Variants in SEMA3A observed in about 807,000 individuals in gnomAD.
The protein encoded by SEMA3A is semaphorin 3A.
A neutral mutation model predicts 97.9 loss-of-function variants in SEMA3A; 29 were observed. That is an observed-to-expected ratio of 0.30 (90% CI 0.22 to 0.40). The LOEUF is 0.40. Ranked by LOEUF, SEMA3A falls within the 10% of genes least tolerant of loss-of-function variation. SEMA3A has a pLI of 1.00. For missense variants in SEMA3A, 763 were observed against 951.3 expected (o/e 0.80, Z 2.60); for synonymous variants, 321 against 323.7 (o/e 0.99, Z 0.09).
At chr7:84,172,201 C>A (rs1455887168) in intron 1 of SEMA3A, among the ~76,000 whole-genome samples, 2 of 152,132 alleles carry the variant, frequency 1.3e-5, no homozygotes, top group Non-Finnish European at 1.5e-5. Flanking sequence ...GCCATATGCA[C>A]ACTCCATGTG....
At chr7:84,213,357 C>T (rs534829123) in intron 3 of SEMA3A, among the ~76,000 whole-genome samples, 1 of 152,036 alleles carries the variant, frequency 6.6e-6, no homozygotes, top group Non-Finnish European at 1.5e-5. Context: ...TAGCTCACTG[C>T]AGCCTCAGAC....
chr7:84,087,982 A>G (rs1382109505), intron 4 of SEMA3A, among the ~76,000 whole-genome samples: 3 of 152,164 alleles, frequency 2.0e-5, no homozygotes, highest in Non-Finnish European at 4.4e-5. Flanking sequence ...ATAATTAAAT[A>G]TCCCTGTTTT....
At chr7:84,468,413 C>T (rs1305953162) in intron 1 of SEMA3A, among the ~76,000 whole-genome samples, 1 of 152,102 alleles carries the variant, frequency 6.6e-6, no homozygotes, top group Non-Finnish European at 1.5e-5. Flanking sequence ...TAGCAGGTGC[C>T]TAGTTTACTG....
intron 1 of SEMA3A, among the ~76,000 whole-genome samples, chr7:84,177,356 G>C (rs547576277): frequency 1.3e-5 from 2 of 152,118 alleles, no homozygotes; most frequent in East Asian, 3.9e-4. Context: ...TCTCCTATGT[G>C]TTTATAATAT....
intron 1 of SEMA3A, among the ~76,000 whole-genome samples, chr7:84,136,954 G>A (rs985989959): frequency 2.0e-5 from 2 of 98,236 alleles, no homozygotes; most frequent in Non-Finnish European, 2.3e-5. Flanking sequence ...GGGAAGGAGG[G>A]AGGGAAGAAG....
intron 15 of SEMA3A, among the ~76,000 whole-genome samples, chr7:83,966,381 G>A (rs1261333551): frequency 5.9e-5 from 9 of 151,940 alleles, no homozygotes; most frequent in Admixed American, 6.6e-5. Context: ...TGATATTCAG[G>A]TACTTTCTCA....
At position 84,010,737 on chromosome 7, in the gene SEMA3A, TAATAATG is replaced by T. The variant is rs370576259; in HGVS notation, c.995+278_995+284del. On this transcript the variant is annotated intron_variant, in intron 9 of 16. Coordinates refer to ENST00000265362, the MANE Select transcript of SEMA3A (RefSeq NM_006080.3). ...ATCTGTATAATATTTTACATTATTA[TAATAATG>T]TAAAAGGTTTAAAGTCAAAGATATG... 0.56 allele frequency among the ~76,000 whole-genome samples: 85,106 copies of T among 151,848 alleles called. 25,233 individuals are homozygous for T. Among genetic ancestry groups the T allele is most frequent in the African/African-American group, 0.75 (31,096 of 41,422 alleles).
At chr7:84,311,402 C>T (rs555838568) in intron 2 of SEMA3A, among the ~76,000 whole-genome samples, 49 of 151,998 alleles carry the variant, frequency 3.2e-4, no homozygotes, top group Non-Finnish European at 5.9e-4. Context: ...CTCTGTTTTA[C>T]AGAGGGAGTC....
chr7:84,197,411 G>A (rs1335473925), upstream of SEMA3A, among the ~76,000 whole-genome samples: 1 of 152,072 alleles, frequency 6.6e-6, no homozygotes, highest in East Asian at 1.9e-4. Context: ...TACTAGAAAT[G>A]TCTGGCCACA....
At chr7:84,132,562 T>A (rs1014159107) in intron 2 of SEMA3A, among the ~76,000 whole-genome samples, 1 of 151,604 alleles carries the variant, frequency 6.6e-6, no homozygotes, top group African/African-American at 2.4e-5. Context: ...TATATACATA[T>A]ATGAATATCA....
intron 2 of SEMA3A, among the ~76,000 whole-genome samples, chr7:84,133,478 A>G (rs893375577): frequency 6.6e-6 from 1 of 152,148 alleles, no homozygotes; most frequent in Non-Finnish European, 1.5e-5. Flanking sequence ...ATTATCATCA[A>G]ATCTGCTATT....
At chr7:84,437,090 CCTT>C (rs1209007870) in intron 1 of SEMA3A, among the ~76,000 whole-genome samples, 1 of 152,046 alleles carries the variant, frequency 6.6e-6, no homozygotes, top group Non-Finnish European at 1.5e-5. Flanking sequence ...GATGTATCAT[CCTT>C]CTGAATAAAA....
At chr7:84,201,730 C>G (rs1798363306) in intron 3 of SEMA3A, among the ~76,000 whole-genome samples, 1 of 152,046 alleles carries the variant, frequency 6.6e-6, no homozygotes, top group Non-Finnish European at 1.5e-5. Context: ...ATTCATTTTC[C>G]TTTTCCTGTT....
At chr7:84,405,149 C>A (rs1330849709) in intron 1 of SEMA3A, among the ~76,000 whole-genome samples, 3 of 152,044 alleles carry the variant, frequency 2.0e-5, no homozygotes, top group Non-Finnish European at 2.9e-5. Flanking sequence ...TCAGGAAACC[C>A]ATCTCAGGTG....
intron 2 of SEMA3A, among the ~76,000 whole-genome samples, chr7:84,364,587 T>C (rs889974951): frequency 7.2e-5 from 11 of 151,874 alleles, no homozygotes; most frequent in Admixed American, 6.6e-4. Flanking sequence ...GAATGTATTT[T>C]GTTATGTGAC....
At chr7:84,427,164 C>A (rs1016019374) in intron 1 of SEMA3A, among the ~76,000 whole-genome samples, 1 of 151,996 alleles carries the variant, frequency 6.6e-6, no homozygotes, top group African/African-American at 2.4e-5. Context: ...TTAAACAGAA[C>A]CTGGAGAAAT....
chr7:84,294,358 T>C (rs1330973151), intron 3 of SEMA3A, among the ~76,000 whole-genome samples: 1 of 152,066 alleles, frequency 6.6e-6, no homozygotes, highest in African/African-American at 2.4e-5. Flanking sequence ...AGTTGGCAGT[T>C]TCCTACTAGT....
intron 3 of SEMA3A, among the ~76,000 whole-genome samples, chr7:84,263,964 T>C (rs559838845): frequency 3.2e-4 from 48 of 152,286 alleles, no homozygotes; most frequent in Admixed American, 1.4e-3. Context: ...AACTGTTATA[T>C]GTAAAATATA....
intron 4 of SEMA3A, among the ~76,000 whole-genome samples, chr7:84,105,593 CTTTTT>C (rs887663292): frequency 6.6e-6 from 1 of 150,980 alleles, no homozygotes; most frequent in Admixed American, 6.6e-5. Flanking sequence ...CTGGGCCTGC[CTTTTT>C]TTTTATTTTA....
Sources: allele counts gnomAD v4.1 joint callset (sites outside exome capture counted in the v4.1 genomes callset), GRCh38; gene constraint gnomAD v4.1.1; transcripts MANE v1.5; gene names NCBI Gene and HGNC (gene_info 2026-07-23, HGNC 2026-07-21).